The following EPHA6 variants were observed in gnomAD, a reference collection of about 807,000 sequenced individuals.
EPHA6 encodes the protein ephrin type-A receptor 6.
Under a neutral mutation model 112.0 loss-of-function variants are expected in EPHA6, and 50 were observed. That is an observed-to-expected ratio of 0.45 (90% CI 0.36 to 0.56). EPHA6 has a LOEUF of 0.56. Among genes scored for constraint, EPHA6 ranks in the 20% least tolerant of loss-of-function variants. EPHA6 has a pLI of 0.00. For synonymous variants in EPHA6, 529 were observed against 490.7 expected, an observed-to-expected ratio of 1.08 and a Z score of -1.03; for missense variants, 1,280 against 1,417.4, an observed-to-expected ratio of 0.90 and a Z score of 1.56.
intron 3 of EPHA6, among the ~76,000 whole-genome samples, chr3:97,166,422 G>T (rs945552585): frequency 1.3e-5 from 2 of 151,936 alleles, no homozygotes; most frequent in Admixed American, 6.6e-5. Context: ...ATGTTGGGGG[G>T]TGGGGAGACC....
chr3:97,291,587 T>A (rs1160303719), intron 5 of EPHA6, among the ~76,000 whole-genome samples: 3 of 152,236 alleles, frequency 2.0e-5, no homozygotes, highest in African/African-American at 4.8e-5. Context: ...TTTGAAAAGA[T>A]CTATCTTTGT....
At chr3:97,200,359 A>G (rs2077548188) in intron 3 of EPHA6, among the ~76,000 whole-genome samples, 1 of 152,112 alleles carries the variant, frequency 6.6e-6, no homozygotes, top group South Asian at 2.1e-4. Context: ...CTTCTTAACC[A>G]TCAGACCATA....
At chr3:97,422,033 T>C (rs565144684) in intron 6 of EPHA6, among the ~76,000 whole-genome samples, 4 of 151,974 alleles carry the variant, frequency 2.6e-5, no homozygotes, top group African/African-American at 9.6e-5. Flanking sequence ...AGAGAACAAT[T>C]TCCTTTCTCC....
At chr3:97,492,591 A>C (rs1397841212) in intron 10 of EPHA6, among the ~76,000 whole-genome samples, 1 of 136,482 alleles carries the variant, frequency 7.3e-6, no homozygotes, top group African/African-American at 2.9e-5. Flanking sequence ...AAAAAAAAAA[A>C]AAACCGTGGA....
intron 10 of EPHA6, among the ~76,000 whole-genome samples, chr3:97,496,684 T>A (rs1230474287): frequency 6.6e-6 from 1 of 152,132 alleles, no homozygotes; most frequent in African/African-American, 2.4e-5. Context: ...TGGCCATCTG[T>A]CAGTCTTTCT....
At chr3:97,040,449 CA>C (rs1458433578) in intron 3 of EPHA6, among the ~76,000 whole-genome samples, 1 of 151,908 alleles carries the variant, frequency 6.6e-6, no homozygotes, top group Non-Finnish European at 1.5e-5. Context: ...GAGAAACAAA[CA>C]AAAGATAATA....
chr3:97,671,763 A>T (rs1295928719), intron 14 of EPHA6, among the ~76,000 whole-genome samples: 2 of 152,152 alleles, frequency 1.3e-5, no homozygotes, highest in African/African-American at 4.8e-5. Context: ...GTAAGCAAGA[A>T]TTGTTAAGAA....
intron 2 of EPHA6, among the ~76,000 whole-genome samples, chr3:96,969,007 C>T (rs1293187505): frequency 6.6e-6 from 1 of 151,752 alleles, no homozygotes; most frequent in Non-Finnish European, 1.5e-5. Context: ...CTAAATTACA[C>T]TCTGGGTAAT....
At chr3:97,085,421 G>A (rs2046862719) in intron 3 of EPHA6, among the ~76,000 whole-genome samples, 2 of 152,094 alleles carry the variant, frequency 1.3e-5, no homozygotes, top group South Asian at 2.1e-4. Context: ...TAAAGTGACA[G>A]CATATGGCCA....
intron 16 of EPHA6, among the ~76,000 whole-genome samples, chr3:97,743,253 T>C (rs2035582645): frequency 6.6e-6 from 1 of 152,074 alleles, no homozygotes; most frequent in Non-Finnish European, 1.5e-5. Flanking sequence ...GACCAAACTG[T>C]TCTGTAGATA....
chr3:97,025,272 A>G (rs1271966806), intron 3 of EPHA6, among the ~76,000 whole-genome samples: 3 of 152,196 alleles, frequency 2.0e-5, no homozygotes, highest in African/African-American at 4.8e-5. Flanking sequence ...ATTTAAAACT[A>G]TTAGGGAAGA....
intron 3 of EPHA6, among the ~76,000 whole-genome samples, chr3:97,180,583 G>A (rs1339930541): frequency 6.6e-6 from 1 of 152,088 alleles, no homozygotes; most frequent in Non-Finnish European, 1.5e-5. Context: ...ATGCTGCCAA[G>A]ACTGGGTCTT....
At position 97,168,473 on chromosome 3, in the gene EPHA6, G is replaced by A. The variant is rs539333002; in HGVS notation, c.1115-57791G>A. Among the ~76,000 whole-genome samples the A allele has an allele frequency of 1.3e-3, 198 of 151,796 alleles. 1 individual carries two copies. The highest frequency in any genetic ancestry group is 1.3e-3 in the Non-Finnish European group (91 of 67,932). On this transcript the variant is annotated intron_variant, in intron 3 of 17. Transcript: ENST00000389672. ...AGATCTGGTTGTTCAAAATTGTGTA[G>A]CACCTTCCCCTTGCACGTGTCCATG...
At chr3:97,380,414 T>C (rs1421871682) in intron 5 of EPHA6, among the ~76,000 whole-genome samples, 1 of 152,160 alleles carries the variant, frequency 6.6e-6, no homozygotes, top group Admixed American at 6.5e-5. Flanking sequence ...TATATGTACC[T>C]ATGTGTACAA....
intron 3 of EPHA6, among the ~76,000 whole-genome samples, chr3:97,080,220 T>C (rs1177764427): frequency 2.0e-5 from 3 of 152,260 alleles, no homozygotes; most frequent in African/African-American, 7.2e-5. Flanking sequence ...TTCCCAGACC[T>C]GGTTATAAAA....
intron 11 of EPHA6, among the ~76,000 whole-genome samples, chr3:97,576,346 A>G (rs922437312): frequency 5.3e-5 from 8 of 152,070 alleles, no homozygotes; most frequent in African/African-American, 1.9e-4. Context: ...GTATATTACC[A>G]TCGTGAAAGA....
chr3:97,556,464 C>T (rs1352283051), intron 11 of EPHA6, among the ~76,000 whole-genome samples: 1 of 152,026 alleles, frequency 6.6e-6, no homozygotes, highest in African/African-American at 2.4e-5. Context: ...GCATGTCCTT[C>T]TTCACATGGC....
Position 97,736,126 on chromosome 3 carries a change from G to A in EPHA6, c.3128+8G>A. ...GGTGGAGGACATCCTTGTGTAAGAGGCATAATGTTGAGTTTTTTTCTTCTT... is the reference window on the plus strand; with the variant it reads ...GGTGGAGGACATCCTTGTGTAAGAGACATAATGTTGAGTTTTTTTCTTCTT... On this transcript the variant is annotated splice_region_variant and intron_variant, in intron 16 of 17. Transcript: ENST00000389672. 6.3e-7 allele frequency: 1 copy of A among 1,596,022 alleles called. No homozygotes were observed. Among genetic ancestry groups the A allele is most frequent in the Non-Finnish European group, 8.6e-7 (1 of 1,168,610 alleles).
intron 3 of EPHA6, among the ~76,000 whole-genome samples, chr3:97,039,170 A>G (rs1318561431): frequency 6.6e-6 from 1 of 152,098 alleles, no homozygotes; most frequent in African/African-American, 2.4e-5. Flanking sequence ...GAGGGCAGGA[A>G]AACAAGAAGG....
Sources: allele counts gnomAD v4.1 joint callset (sites outside exome capture counted in the v4.1 genomes callset), GRCh38; gene constraint gnomAD v4.1.1; transcripts MANE v1.5; gene names NCBI Gene and HGNC (gene_info 2026-07-23, HGNC 2026-07-21).